APCDD1L: variants seen among roughly 807,000 people sequenced by gnomAD.
The protein encoded by APCDD1L is protein APCDD1-like.
APCDD1L carries 21 observed loss-of-function variants against 24.2 expected under a neutral mutation model. The ratio of observed to expected loss-of-function variants is 0.87; its 90% CI spans 0.61 to 1.25. APCDD1L has a LOEUF of 1.25. APCDD1L is among the 50% of genes most tolerant of loss of function. The probability of loss-of-function intolerance (pLI) is 0.00; values close to 1 mark genes in which losing one functional copy is unlikely to be tolerated. For missense variants in APCDD1L, 704 were observed against 711.7 expected (o/e 0.99, Z 0.12); for synonymous variants, 321 against 323.6 (o/e 0.99, Z 0.09).
rs1234556715 is a variant in APCDD1L at position 58,514,757 on chromosome 20, G to C, written c.-50C>G. ...CGCCGGGCGCTGCCACGGTGCGCAAGGGGAGGCGCGGGCGCAGGGCTCTCG... is the reference window on the plus strand; with the variant it reads ...CGCCGGGCGCTGCCACGGTGCGCAACGGGAGGCGCGGGCGCAGGGCTCTCG... On this transcript the variant is annotated 5_prime_UTR_variant, in exon 1 of 4. Transcript: ENST00000371149. 1.6e-6 allele frequency: 2 copies of C among 1,259,732 alleles called. No homozygotes were observed. Among genetic ancestry groups the C allele is most frequent in the Non-Finnish European group, 1.0e-6 (1 of 993,176 alleles). 78.0% of individuals were successfully genotyped at this position (1,259,732 alleles called of 1,614,324 possible).
chr20:58,514,572 C>T (rs1990702025), intron 1 of APCDD1L, 87 bp downstream of exon 1: 19 of 1,220,648 alleles, frequency 1.6e-5, no homozygotes, highest in Non-Finnish European at 1.9e-5. Context: ...GGCCGTAGTC[C>T]CCAAGGGCCC....
intron 1 of APCDD1L, among the ~76,000 whole-genome samples, chr20:58,479,650 C>T (rs953330502): frequency 6.7e-6 from 1 of 148,778 alleles, no homozygotes; most frequent in Admixed American, 6.7e-5. Flanking sequence ...ATTTCAAAAC[C>T]GTCAGCTTGA....
chr20:58,471,441 G>C (rs73616274), intron 1 of APCDD1L, among the ~76,000 whole-genome samples: 1 of 152,230 alleles, frequency 6.6e-6, no homozygotes, highest in Non-Finnish European at 1.5e-5. Context: ...TCAGGGCTCC[G>C]TCCCTAAGCC....
intron 1 of APCDD1L, among the ~76,000 whole-genome samples, chr20:58,479,687 T>A (rs1274365148): frequency 2.6e-5 from 4 of 151,788 alleles, no homozygotes; most frequent in Non-Finnish European, 4.4e-5. Context: ...AGTTTGGACT[T>A]GGAGGAAGCT....
At chr20:58,474,242 G>A (rs1052094979) in intron 1 of APCDD1L, among the ~76,000 whole-genome samples, 2 of 152,194 alleles carry the variant, frequency 1.3e-5, no homozygotes, top group African/African-American at 2.4e-5. Flanking sequence ...AGGTATAATC[G>A]ACACAACCAC....
Position 58,461,454 on chromosome 20 carries a change from C to T in APCDD1L, c.842G>A (p.Gly281Asp), listed in dbSNP as rs549528486. ...GCACCCCGAGCTGACCCACCAGCCG[C>T]CCAGGTGCAGGGGCAGGGCCAGAGG... The part of the protein sequence containing the change: ...PPPLALPLHL[G>D]GWWVSSGCEV... The change falls in exon 4 of 4, where the codon GGC becomes GAC. Residue 281 changes from glycine (G) to aspartate (D), a missense_variant. Transcript: ENST00000371149. The surrounding 1 kb of genome is among the most constrained non-coding windows in gnomAD (Gnocchi z 6.0). 10 of 1,500,534 alleles carry T rather than the reference C, an allele frequency of 6.7e-6. No homozygotes were observed. The Admixed American group carries it at 1.4e-4, about 21-fold the overall frequency. 93.0% of individuals were successfully genotyped at this position (1,500,534 alleles called of 1,614,324 possible). A position where few individuals can be genotyped will look rare whatever the true frequency, so the allele number is the denominator to read the frequency against.
In APCDD1L at chr20:58,481,591, G is replaced by T. The variant is rs980124472; in HGVS notation, c.50-10844C>A. On this transcript the variant is annotated intron_variant, in intron 1 of 3. Coordinates refer to ENST00000371149, the MANE Select transcript of APCDD1L (RefSeq NM_153360.3). ...CCCTTGGATCTGAGACCTGCCCAAAGATGTCGGGGGTGACTGGGAGGAACC... is the reference window on the plus strand; with the variant it reads ...CCCTTGGATCTGAGACCTGCCCAAATATGTCGGGGGTGACTGGGAGGAACC... 6.6e-5 allele frequency among the ~76,000 whole-genome samples: 10 copies of T among 152,334 alleles called. No homozygotes were observed. In the Middle Eastern group the frequency reaches 0.014, roughly 207 times the overall value.
intron 3 of APCDD1L, among the ~76,000 whole-genome samples, chr20:58,466,295 C>G (rs1165748941): frequency 2.6e-5 from 4 of 152,214 alleles, no homozygotes; most frequent in Non-Finnish European, 5.9e-5. Context: ...TAGCCTGCAG[C>G]CTCCCCACAC....
intron 2 of APCDD1L, among the ~76,000 whole-genome samples, chr20:58,468,358 G>A (rs207477671): frequency 3.9e-5 from 6 of 152,160 alleles, no homozygotes; most frequent in Non-Finnish European, 4.4e-5. Flanking sequence ...ATTTGCTGGT[G>A]ATACAAACAG....
In APCDD1L at chr20:58,511,955, C is replaced by T. The variant is rs199625794; in HGVS notation, c.49+2704G>A. Among the ~76,000 whole-genome samples the T allele has an allele frequency of 1.4e-4, 21 of 152,300 alleles. No homozygotes were observed. The East Asian group carries it at 4.0e-3, about 29-fold the overall frequency. ...CAGCAGCTATGGTTTCTCATTTTCC[C>T]CCTCCAGCATAAATTGTTGAGTAAT... On this transcript the variant is annotated intron_variant, in intron 1 of 3. Transcript: ENST00000371149.
At chr20:58,504,804 G>A (rs543518059) in intron 1 of APCDD1L, among the ~76,000 whole-genome samples, 56 of 152,200 alleles carry the variant, frequency 3.7e-4, no homozygotes, top group African/African-American at 1.3e-3. Context: ...CAGGAACATC[G>A]ATCTGCCTAA....
At chr20:58,512,058 C>T (rs1427132760) in intron 1 of APCDD1L, among the ~76,000 whole-genome samples, 3 of 152,176 alleles carry the variant, frequency 2.0e-5, no homozygotes, top group African/African-American at 7.2e-5. Flanking sequence ...ACACATCTGG[C>T]CTGACAGGGT....
rs1000402011 is a variant in APCDD1L, at chr20:58,497,269, C to T, written c.49+17390G>A. 1.1e-4 allele frequency among the ~76,000 whole-genome samples: 17 copies of T among 152,036 alleles called. No individual in the cohort carries two copies. Among genetic ancestry groups the T allele is most frequent in the African/African-American group, 2.9e-4 (12 of 41,394 alleles). The stretch of plus-strand genomic sequence containing the variant: ...GGTTTCAGGGAAGGAAGCTGTAGCA[C>T]GACTGAAGCCTTAGGCCTGGCCACA... On this transcript the variant is annotated intron_variant, in intron 1 of 3. Transcript: ENST00000371149. This position sits in a 1 kb window ranked among gnomAD's most constrained non-coding sequence, Gnocchi z 4.3.
chr20:58,467,217 C>A lies in APCDD1L; in HGVS notation c.630G>T (p.Arg210=). Residue 210 remains arginine, a synonymous_variant, in exon 3 of 4, where the codon CGG becomes CGT. Transcript: ENST00000371149. This position sits in a 1 kb window ranked among gnomAD's most constrained non-coding sequence, Gnocchi z 5.9. ...RVQRRLQPQP[R]ASPRLVEELY... Reference sequence around the variant, plus strand: ...GCTCCTCCACCAGCCGGGGCGACGCCCGGGGCTGCGGCTGCAGGCGGCGCT... The same window carrying A: ...GCTCCTCCACCAGCCGGGGCGACGCACGGGGCTGCGGCTGCAGGCGGCGCT... 1 of 1,601,980 alleles carries A rather than the reference C, an allele frequency of 6.2e-7. No homozygotes were observed. Among genetic ancestry groups the A allele is most frequent in the Non-Finnish European group, 8.5e-7 (1 of 1,178,356 alleles).
rs564597522 is a variant in APCDD1L at position 58,462,489 on chromosome 20, G to A, written c.742-935C>T. On this transcript the variant is annotated intron_variant, in intron 3 of 3. Coordinates refer to ENST00000371149, the MANE Select transcript of APCDD1L (RefSeq NM_153360.3). ...TTAGAAATCTCACAGTGGAAGGTGC[G>A]CATCATTTGCTCTACCTACCCCATG... is the stretch of plus-strand genomic sequence containing the variant. Among the ~76,000 whole-genome samples, 15 of 152,206 alleles carry A rather than the reference G, an allele frequency of 9.9e-5. No individual in the cohort carries two copies. The East Asian group carries it at 1.5e-3, about 16-fold the overall frequency.
Position 58,467,144 on chromosome 20 carries a change from G to C in APCDD1L, c.703C>G (p.Arg235Gly). 2 of 1,608,230 alleles carry C rather than the reference G, an allele frequency of 1.2e-6. No individual in the cohort carries two copies. The highest frequency in any genetic ancestry group is 1.7e-6 in the Non-Finnish European group (2 of 1,179,526). The change falls in exon 3 of 4, where the codon CGG (arginine) becomes GGG (glycine). Residue 235 changes from arginine to glycine, a missense_variant. Transcript: ENST00000371149. This position sits in a 1 kb window ranked among gnomAD's most constrained non-coding sequence, Gnocchi z 5.9. The part of the protein sequence containing the change: ...HTDPAERRHY[R>G]PTGYQRPLQS... Reference sequence around the variant, plus strand: ...AGCGGGCGCTGGTAGCCCGTGGGCCGGTAGTGCCGCCTCTCCGCCGGGTCG... The same window carrying C: ...AGCGGGCGCTGGTAGCCCGTGGGCCCGTAGTGCCGCCTCTCCGCCGGGTCG...
chr20:58,466,776 G>A (rs1235736781), intron 3 of APCDD1L, among the ~76,000 whole-genome samples: 1 of 152,202 alleles, frequency 6.6e-6, no homozygotes, highest in Non-Finnish European at 1.5e-5. Flanking sequence ...ACTAAGGGAG[G>A]GGGACACCCA....
chr20:58,510,612 G>A (rs187942965), intron 1 of APCDD1L, among the ~76,000 whole-genome samples: 19 of 152,308 alleles, frequency 1.2e-4, no homozygotes, highest in Admixed American at 1.0e-3. Context: ...GATTAAAGGC[G>A]TGAGCCACCA....
chr20:58,491,107 T>A (rs1285988904), intron 1 of APCDD1L, among the ~76,000 whole-genome samples: 1 of 152,242 alleles, frequency 6.6e-6, no homozygotes, highest in East Asian at 1.9e-4. Flanking sequence ...GATATGTATC[T>A]ATGCTGATTA....
Sources: allele counts gnomAD v4.1 joint callset (sites outside exome capture counted in the v4.1 genomes callset), GRCh38; gene constraint gnomAD v4.1.1; non-coding constraint Gnocchi (gnomAD v3.1); transcripts MANE v1.5; gene names NCBI Gene and HGNC (gene_info 2026-07-23, HGNC 2026-07-21).